CHODL: variants seen among roughly 807,000 people sequenced by gnomAD.
CHODL encodes the protein transmembrane protein MT75.
In CHODL, 29 loss-of-function variants were observed where a neutral mutation model predicts 34.5. The observed-to-expected ratio is 0.84, with a 90% CI of 0.63 to 1.15. The LOEUF is 1.15. CHODL is among the 50% of genes most tolerant of loss of function. The probability of loss-of-function intolerance (pLI) is 0.00; values close to 1 mark genes in which losing one functional copy is unlikely to be tolerated. For missense variants in CHODL, 332 were observed against 332.5 expected (o/e 1.00, Z 0.01); for synonymous variants, 125 against 116.1 (o/e 1.08, Z -0.49).
chr21:18,264,501 C>T lies in CHODL; in HGVS notation c.738-1453C>T, dbSNP rs1472021621. On this transcript the variant is annotated intron_variant, in intron 5 of 5. Coordinates refer to ENST00000299295, the MANE Select transcript of CHODL (RefSeq NM_024944.3). ...CCGATAATCCCAGCTACTTGGGAGG[C>T]TGAGGCAGGAGAATTGCTTGAACCG... 4.0e-5 allele frequency among the ~76,000 whole-genome samples: 6 copies of T among 149,538 alleles called. No homozygotes were observed. The East Asian group carries it at 9.9e-4, about 25-fold the overall frequency.
intron 1 of CHODL, among the ~76,000 whole-genome samples, chr21:17,925,723 T>G (rs2063217336): frequency 6.6e-6 from 1 of 152,224 alleles, no homozygotes; most frequent in South Asian, 2.1e-4. Flanking sequence ...TTTGTTATTT[T>G]ATTCATTACA....
chr21:18,113,727 C>T (rs980156937), intron 2 of CHODL, among the ~76,000 whole-genome samples: 7 of 152,116 alleles, frequency 4.6e-5, no homozygotes, highest in East Asian at 3.9e-4. Flanking sequence ...TAATTAAACA[C>T]GAGATTTGGG....
At chr21:17,964,488 T>C (rs2063556467) in intron 1 of CHODL, among the ~76,000 whole-genome samples, 1 of 152,270 alleles carries the variant, frequency 6.6e-6, no homozygotes, top group African/African-American at 2.4e-5. Flanking sequence ...ACTGTGGCTA[T>C]GCTGTAAAAT....
chr21:18,015,176 T>C (rs1439260831), intron 1 of CHODL, among the ~76,000 whole-genome samples: 3 of 152,142 alleles, frequency 2.0e-5, no homozygotes, highest in Admixed American at 6.5e-5. Flanking sequence ...TGATCTTTAG[T>C]GTTGGAGGAG....
At chr21:17,960,940 GT>G (rs1259480909) in intron 1 of CHODL, among the ~76,000 whole-genome samples, 2 of 152,280 alleles carry the variant, frequency 1.3e-5, no homozygotes, top group East Asian at 3.9e-4. Flanking sequence ...ACTGGAGTTA[GT>G]TCAGGTCTTC....
chr21:18,108,836 GTTGTGT>G (rs1251886836), intron 2 of CHODL, among the ~76,000 whole-genome samples: 89 of 109,384 alleles, frequency 8.1e-4, no homozygotes, highest in East Asian at 4.3e-3. Context: ...TCTTTGCAAT[GTTGTGT>G]GTGTGTGTGT....
At chr21:18,263,402 C>T (rs2074406140) in intron 5 of CHODL, among the ~76,000 whole-genome samples, 1 of 152,046 alleles carries the variant, frequency 6.6e-6, no homozygotes, top group African/African-American at 2.4e-5. Flanking sequence ...AAATAAAATA[C>T]AGCGGTTCAA....
chr21:18,174,121 G>GTATATATATATATA (rs1491107369), intron 2 of CHODL, among the ~76,000 whole-genome samples: 1 of 60,870 alleles, frequency 1.6e-5, no homozygotes, highest in Non-Finnish European at 3.8e-5. Context: ...ATATATCTTG[G>GTATATATATATATA]TGTATATATA....
intron 2 of CHODL, among the ~76,000 whole-genome samples, chr21:18,047,763 A>G (rs1239891550): frequency 1.3e-5 from 2 of 151,948 alleles, no homozygotes; most frequent in Admixed American, 6.6e-5. Context: ...TATGCATGTT[A>G]TAGAGAATGA....
intron 2 of CHODL, among the ~76,000 whole-genome samples, chr21:18,100,652 G>T (rs1160537973): frequency 6.6e-6 from 1 of 152,030 alleles, no homozygotes; most frequent in Non-Finnish European, 1.5e-5. Flanking sequence ...GTAGAAGTAG[G>T]GTAGAAATTA....
intron 1 of CHODL, among the ~76,000 whole-genome samples, chr21:18,250,924 T>A (rs2074228440): frequency 6.6e-6 from 1 of 151,742 alleles, no homozygotes; most frequent in African/African-American, 2.4e-5. Flanking sequence ...TTTATATTTT[T>A]ATTGAAAAAG....
At chr21:18,250,599 G>T (rs1375461478) in intron 1 of CHODL, among the ~76,000 whole-genome samples, 1 of 151,910 alleles carries the variant, frequency 6.6e-6, no homozygotes, top group Non-Finnish European at 1.5e-5. Context: ...ATTTTAAGAA[G>T]TTGGTGTAAC....
At chr21:18,208,600 A>G (rs1384594332) in intron 2 of CHODL, among the ~76,000 whole-genome samples, 1 of 152,132 alleles carries the variant, frequency 6.6e-6, no homozygotes, top group African/African-American at 2.4e-5. Flanking sequence ...TGCAGTCTTC[A>G]TACTCTGGGC....
chr21:18,078,470 G>C (rs1160029182), intron 2 of CHODL, among the ~76,000 whole-genome samples: 1 of 152,174 alleles, frequency 6.6e-6, no homozygotes, highest in African/African-American at 2.4e-5. Flanking sequence ...GATGAAATTT[G>C]AGTGGGGACA....
intron 2 of CHODL, among the ~76,000 whole-genome samples, chr21:18,055,603 C>G (rs919177266): frequency 1.3e-5 from 2 of 152,012 alleles, no homozygotes; most frequent in African/African-American, 4.8e-5. Context: ...GGGCTCACCA[C>G]AGTTAGCATA....
At chr21:18,004,174 A>G (rs1215450702) in intron 1 of CHODL, among the ~76,000 whole-genome samples, 1 of 152,214 alleles carries the variant, frequency 6.6e-6, no homozygotes, top group Non-Finnish European at 1.5e-5. Flanking sequence ...CAAATGGGTA[A>G]AAATTTTGTT....
At chr21:17,963,265 C>T (rs2063546929) in intron 1 of CHODL, among the ~76,000 whole-genome samples, 3 of 152,230 alleles carry the variant, frequency 2.0e-5, no homozygotes, top group East Asian at 3.9e-4. Flanking sequence ...TGAAACCCTT[C>T]TGTTTTGCCG....
At chr21:18,077,474 A>G (rs1358278498) in intron 2 of CHODL, among the ~76,000 whole-genome samples, 1 of 152,196 alleles carries the variant, frequency 6.6e-6, no homozygotes, top group Non-Finnish European at 1.5e-5. Flanking sequence ...TTGGGGGCCA[A>G]GGGACAGAGG....
chr21:18,258,796 A>T (rs73893044), intron 3 of CHODL, among the ~76,000 whole-genome samples: 2,293 of 151,910 alleles, frequency 0.015, 46 homozygotes, highest in African/African-American at 0.05. Flanking sequence ...ATTTATATTT[A>T]GTTAACCCTC....
Sources: gnomAD v4.1 joint callset for allele counts (sites outside exome capture counted in the v4.1 genomes callset) on GRCh38, gnomAD v4.1.1 for gene constraint, MANE v1.5 for transcripts, NCBI Gene and HGNC (gene_info 2026-07-23, HGNC 2026-07-21) for gene names.